ZFHX3: variants seen among roughly 807,000 people sequenced by gnomAD.
The protein encoded by ZFHX3 is zinc finger homeobox 3.
In ZFHX3, 42 loss-of-function variants were observed where a neutral mutation model predicts 279.1. The observed-to-expected ratio is 0.15, with a 90% CI of 0.12 to 0.19. The LOEUF (loss-of-function observed/expected upper bound fraction) is 0.19, where lower values mean the gene tolerates loss of function less well. ZFHX3 is among the 10% of genes least tolerant of loss of function. The probability of loss-of-function intolerance (pLI) is 1.00; values close to 1 mark genes in which losing one functional copy is unlikely to be tolerated. For missense variants in ZFHX3, 4,981 were observed against 4,754.0 expected (o/e 1.05, Z -1.40); for synonymous variants, 2,293 against 1,957.8 (o/e 1.17, Z -4.52).
At chr16:73,487,659 C>A (rs62044990) in intron 2 of ZFHX3, 16,480 of 225,898 alleles carry the variant, frequency 0.073, 1,103 homozygotes, top group Admixed American at 0.23. Flanking sequence ...CTCACCTCAG[C>A]CTCCCAAAGT....
rs1158520009 is a variant in ZFHX3 at position 72,793,074 on chromosome 16, C to G, written c.9427+181G>C. The stretch of plus-strand genomic sequence containing the variant: ...CTGTTCCGACCAGGAGGTCCCATCC[C>G]TGACACACCAGTACTTGGGAGACTC... On this transcript the variant is annotated intron_variant, in intron 9 of 9. Transcript: ENST00000268489. The surrounding 1 kb of genome is among the most constrained non-coding windows in gnomAD (Gnocchi z 4.3). Among the ~76,000 whole-genome samples the G allele has an allele frequency of 6.6e-6, 1 of 152,222 alleles. No homozygotes were observed. Among genetic ancestry groups the G allele is most frequent in the African/African-American group, 2.4e-5 (1 of 41,446 alleles).
intron 9 of ZFHX3, chr16:72,789,896 A>C (rs2035623066): frequency 6.6e-6 from 1 of 152,402 alleles, no homozygotes; most frequent in Non-Finnish European, 1.5e-5. Context: ...AAGCCATGTC[A>C]GAAGTGGAAT....
Position 73,352,393 on chromosome 16 carries a change from C to T in ZFHX3, c.-1290-34057G>A, listed in dbSNP as rs548589383. Among the ~76,000 whole-genome samples the T allele has an allele frequency of 1.5e-4, 22 of 151,138 alleles. No individual in the cohort carries two copies. In the South Asian group the frequency reaches 2.1e-3, roughly 14 times the overall value. The stretch of plus-strand genomic sequence containing the variant: ...TTCTTCATCTTTGAAATGAGGATAA[C>T]GGCTCCTGTGGCATGAGGTTGTTAT... On this transcript the variant is annotated intron_variant, in intron 3 of 17. Coordinates refer to the ZFHX3 transcript ENST00000641206.
At chr16:72,839,925 T>C (rs968617054) in intron 4 of ZFHX3, among the ~76,000 whole-genome samples, 3 of 152,194 alleles carry the variant, frequency 2.0e-5, no homozygotes, top group African/African-American at 4.8e-5. Flanking sequence ...CCTACAAGCA[T>C]CTGTCTTTCA....
chr16:73,697,788 C>T (rs1262044780), intron 1 of ZFHX3, among the ~76,000 whole-genome samples: 2 of 152,146 alleles, frequency 1.3e-5, no homozygotes, highest in East Asian at 1.9e-4. Context: ...AATTCTAAAT[C>T]ATTTATGAAT....
At chr16:73,314,247 G>C (rs910438120) in intron 4 of ZFHX3, among the ~76,000 whole-genome samples, 1 of 152,154 alleles carries the variant, frequency 6.6e-6, no homozygotes, top group Non-Finnish European at 1.5e-5. Flanking sequence ...TTTGGACTTC[G>C]TCTGCACTAT....
At position 73,665,417 on chromosome 16, in the gene ZFHX3, T is replaced by C. The variant is rs547184086; in HGVS notation, c.-1547+14763A>G. Among the ~76,000 whole-genome samples the C allele has an allele frequency of 2.0e-4, 31 of 151,974 alleles. No homozygotes were observed. In the East Asian group the frequency reaches 6.0e-3, roughly 29 times the overall value. ...TTAGTAGAGACGGGGTTCCACCATG[T>C]TGGCCAGGCTGGCCTCGAACTCCTG... On this transcript the variant is annotated intron_variant, in intron 2 of 17. Transcript: ENST00000641206.
At chr16:72,822,041 C>T (rs906886948) in intron 5 of ZFHX3, 1 of 152,178 alleles carries the variant, frequency 6.6e-6, no homozygotes, top group African/African-American at 2.4e-5. Flanking sequence ...TGTCTTTTCT[C>T]TATACCAGGA....
At chr16:73,428,819 C>A (rs181270635) in intron 3 of ZFHX3, among the ~76,000 whole-genome samples, 119 of 152,218 alleles carry the variant, frequency 7.8e-4, no homozygotes, top group African/African-American at 2.6e-3. Context: ...GGTCTGAGGC[C>A]CTTCTATAAG....
intron 7 of ZFHX3, among the ~76,000 whole-genome samples, chr16:72,804,839 G>A (rs982205528): frequency 6.6e-6 from 1 of 152,080 alleles, no homozygotes; most frequent in Non-Finnish European, 1.5e-5. Flanking sequence ...GTGCAGCCAA[G>A]GTCACCCTTT....
At chr16:73,664,044 G>A (rs1406892020) in intron 2 of ZFHX3, among the ~76,000 whole-genome samples, 3 of 152,118 alleles carry the variant, frequency 2.0e-5, no homozygotes, top group African/African-American at 7.2e-5. Context: ...TTTTCAAAGA[G>A]AACTGAATAT....
chr16:72,985,665 G>A (rs1285229986), intron 1 of ZFHX3, among the ~76,000 whole-genome samples: 1 of 152,110 alleles, frequency 6.6e-6, no homozygotes, highest in African/African-American at 2.4e-5. Context: ...AAGTTGTACT[G>A]GCTTCCAGAT....
intron 7 of ZFHX3, among the ~76,000 whole-genome samples, chr16:73,115,356 C>T (rs1428461398): frequency 8.8e-5 from 8 of 90,972 alleles, no homozygotes; most frequent in Admixed American, 3.5e-4. Flanking sequence ...GCCTGGACAA[C>T]ATAATGGGAC....
chr16:73,111,187 T>G (rs1966368879), intron 7 of ZFHX3, among the ~76,000 whole-genome samples: 2 of 152,212 alleles, frequency 1.3e-5, no homozygotes, highest in Non-Finnish European at 2.9e-5. Context: ...GTGATCTGTC[T>G]GCCTCAGCCT....
At chr16:73,519,823 C>T (rs771094499) in intron 2 of ZFHX3, among the ~76,000 whole-genome samples, 1 of 152,086 alleles carries the variant, frequency 6.6e-6, no homozygotes, top group Non-Finnish European at 1.5e-5. Context: ...ATTAGCAAAC[C>T]GTACTCAGAT....
At position 73,308,224 on chromosome 16, in the gene ZFHX3, CATATATATATATATAT is replaced by C. The variant is rs56199536; in HGVS notation, c.-1194+10000_-1194+10015del. ...TTGAGTTATCTGAGCCATATGCATG[CATATATATATATATAT>C]ATATATATATATATATATATATATA... is the stretch of plus-strand genomic sequence containing the variant. On this transcript the variant is annotated intron_variant, in intron 4 of 17. Transcript: ENST00000641206. 7.6e-3 allele frequency among the ~76,000 whole-genome samples: 821 copies of C among 108,546 alleles called. 6 individuals carry two copies. Among genetic ancestry groups the C allele is most frequent in the African/African-American group, 0.013 (305 of 24,302 alleles). 71.2% of individuals were successfully genotyped at this position (108,546 alleles called of 152,430 possible).
chr16:72,796,355 G>C lies in ZFHX3; in HGVS notation c.6327C>G (p.Thr2109=), dbSNP rs1049945729. The change falls in exon 9 of 10, where the codon ACC becomes ACG. Residue 2109 remains threonine (T), a synonymous_variant. Coordinates refer to ENST00000268489, the MANE Select transcript of ZFHX3 (RefSeq NM_006885.4). ...PLMMQTMPLQ[T]LPAQLPPQLG... ...GCTGCGGGGGTAGCTGAGCCGGCAA[G>C]GTCTGCAGCGGCATCGTCTGCATCA... The C allele has an allele frequency of 6.2e-7, 1 of 1,613,836 alleles. No individual in the cohort carries two copies. The highest frequency in any genetic ancestry group is 1.1e-5 in the South Asian group (1 of 91,052).
chr16:73,515,081 C>A (rs1567506745), intron 2 of ZFHX3, among the ~76,000 whole-genome samples: 3 of 152,128 alleles, frequency 2.0e-5, no homozygotes, highest in South Asian at 4.1e-4. Context: ...ATGCTCCTTC[C>A]CAGAATGTTT....
intron 5 of ZFHX3, among the ~76,000 whole-genome samples, chr16:73,176,782 G>A (rs1182266296): frequency 6.6e-6 from 1 of 151,930 alleles, no homozygotes; most frequent in East Asian, 1.9e-4. Context: ...TTCTTGATGT[G>A]CTGGTCCAGC....
Sources: allele counts gnomAD v4.1 joint callset (sites outside exome capture counted in the v4.1 genomes callset), GRCh38; gene constraint gnomAD v4.1.1; non-coding constraint Gnocchi (gnomAD v3.1); transcripts MANE v1.5; gene names NCBI Gene and HGNC (gene_info 2026-07-23, HGNC 2026-07-21).